Variants in AK9 observed in about 807,000 individuals in gnomAD.
The protein encoded by AK9 is adenylate kinase domain containing 1.
AK9 carries 191 observed loss-of-function variants against 239.6 expected under a neutral mutation model. The ratio of observed to expected loss-of-function variants is 0.80; its 90% CI spans 0.71 to 0.90. The LOEUF (loss-of-function observed/expected upper bound fraction) is 0.90, where lower values mean the gene tolerates loss of function less well. AK9 is among the 40% of genes least tolerant of loss of function. AK9 has a pLI of 0.00. For missense variants in AK9, 1,995 were observed against 2,214.7 expected, an observed-to-expected ratio of 0.90 and a Z score of 1.99; for synonymous variants, 689 against 721.0, an observed-to-expected ratio of 0.96 and a Z score of 0.71.
chr6:109,542,026 A>G, intron 27 of AK9, 21 bp downstream of exon 27: 1 of 1,533,474 alleles, frequency 6.5e-7, no homozygotes, highest in Non-Finnish European at 8.8e-7. Flanking sequence ...TAAATGTACA[A>G]TTCTATATAA....
At chr6:109,560,245 T>C (rs1181493529) in intron 24 of AK9, among the ~76,000 whole-genome samples, 1 of 152,248 alleles carries the variant, frequency 6.6e-6, no homozygotes, top group East Asian at 1.9e-4. Context: ...GCATCTTTCT[T>C]TTTCAATCTG....
At chr6:109,671,845 A>G (rs1038542243) in intron 5 of AK9, 74 bp downstream of exon 5, 1 of 1,359,970 alleles carries the variant, frequency 7.4e-7, no homozygotes, top group Non-Finnish European at 1.0e-6. Context: ...AACTCCAGAA[A>G]CTATTTTTGC....
In AK9 at chr6:109,497,362, ACTCT is replaced by A. The variant is rs761117338; in HGVS notation, c.5315+99_5315+102del. On this transcript the variant is annotated intron_variant, in intron 38 of 40. Transcript: ENST00000424296. ...CACACACACACACACACACACACAC[ACTCT>A]CTCTCTCTCTCTCTCTCTCACACAC... 2.9e-3 allele frequency: 1,439 copies of A among 498,676 alleles called. 9 individuals are homozygous for A. The highest frequency in any genetic ancestry group is 0.01 in the African/African-American group (382 of 37,028). 30.9% of individuals were successfully genotyped at this position (498,676 alleles called of 1,614,324 possible).
rs1026816125 is a variant in AK9, at chr6:109,495,419, T to A, written c.5337A>T (p.Glu1779Asp). ...GGGGAAGCTTGTGTGGAAGCTTCTG[T>A]TCCCAGTATTTCAGTGGCGACCTAA... The part of the protein sequence containing the change: ...KFLRSPLKYW[E>D]QKLPHKLPPL... Residue 1779 changes from glutamate to aspartate, a missense_variant, in exon 39 of 41, where the codon GAA (glutamate) becomes GAT (aspartate). Physicochemically the swap from Glu to Asp is conservative, Grantham distance 45 (BLOSUM62 2). Coordinates refer to ENST00000424296, the MANE Select transcript of AK9 (RefSeq NM_001145128.3). 1.4e-5 allele frequency: 23 copies of A among 1,612,944 alleles called. No individual in the cohort carries two copies. The African/African-American group carries it at 3.1e-4, about 22-fold the overall frequency.
At chr6:109,616,391 A>G (rs1431495624) in intron 13 of AK9, among the ~76,000 whole-genome samples, 1 of 149,916 alleles carries the variant, frequency 6.7e-6, no homozygotes, top group African/African-American at 2.5e-5. Context: ...GATAATTTTC[A>G]TTTTTTTTTC....
intron 20 of AK9, among the ~76,000 whole-genome samples, chr6:109,576,403 G>A (rs1788078128): frequency 7.7e-6 from 1 of 130,710 alleles, no homozygotes; most frequent in Non-Finnish European, 1.6e-5. Context: ...TTGGTTAGGT[G>A]TATATACATA....
At position 109,527,543 on chromosome 6, in the gene AK9, CT is replaced by C. The variant is rs1780675251; in HGVS notation, c.3633+1467del. 3 of 152,176 alleles carry C rather than the reference CT, an allele frequency of 2.0e-5. No homozygotes were observed. In the South Asian group the frequency reaches 6.2e-4, roughly 32 times the overall value. The allele number at this position is 152,176 out of a possible 1,614,324, so 9.4% of individuals were successfully genotyped here. A position where few individuals can be genotyped will look rare whatever the true frequency, so the allele number is the denominator to read the frequency against. ...AGCACACTAACTCATCCCTGAGATG[CT>C]ATATTTTGTCTACTTTATTGTCTGA... is the stretch of plus-strand genomic sequence containing the variant. On this transcript the variant is annotated intron_variant, in intron 29 of 40. Coordinates refer to ENST00000424296, the MANE Select transcript of AK9 (RefSeq NM_001145128.3).
At chr6:109,547,891 G>C (rs571209660) in intron 25 of AK9, among the ~76,000 whole-genome samples, 1 of 146,830 alleles carries the variant, frequency 6.8e-6, no homozygotes, top group African/African-American at 2.5e-5. Context: ...TTAACAATGG[G>C]GAAAAAAGAC....
chr6:109,573,754 T>C (rs145175697), intron 20 of AK9, among the ~76,000 whole-genome samples, 160 bp from the exon 21 acceptor site: 1 of 152,320 alleles, frequency 6.6e-6, no homozygotes, highest in East Asian at 1.9e-4. Flanking sequence ...CTATTTATTA[T>C]AGCTATTCAC....
At chr6:109,573,639 C>A in intron 20 of AK9, 45 bp from the exon 21 acceptor site, 3 of 1,506,450 alleles carry the variant, frequency 2.0e-6, no homozygotes, top group Non-Finnish European at 1.8e-6. Context: ...TTGAAGTCAA[C>A]AAATATTTAT....
At chr6:109,499,624 G>T (rs1295717015) in intron 35 of AK9, among the ~76,000 whole-genome samples, 1 of 151,184 alleles carries the variant, frequency 6.6e-6, no homozygotes, top group African/African-American at 2.4e-5. Flanking sequence ...TTTTGAGATG[G>T]AGTCTCGCTC....
chr6:109,532,970 G>A (rs1781481745), intron 28 of AK9, among the ~76,000 whole-genome samples: 1 of 152,080 alleles, frequency 6.6e-6, no homozygotes, highest in South Asian at 2.1e-4. Context: ...ATCTCTGTTT[G>A]TTACCTCTTC....
Position 109,576,420 on chromosome 6 carries a change from C to CTTTTTTTTTTT in AK9, c.2192-2837_2192-2827dup, listed in dbSNP as rs3060763. 7.6e-4 allele frequency among the ~76,000 whole-genome samples: 79 copies of CTTTTTTTTTTT among 103,476 alleles called. 7 individuals carry two copies. Among genetic ancestry groups the CTTTTTTTTTTT allele is most frequent in the South Asian group, 1.6e-3 (4 of 2,452 alleles). The allele number at this position is 103,476 out of a possible 152,430, so 67.9% of individuals were successfully genotyped here. The stretch of plus-strand genomic sequence containing the variant: ...GGTTAGGTGTATATACATATATATA[C>CTTTTTTTTTTT]TTTTTTTTTTTTTTTTTGCAGCTGT... On this transcript the variant is annotated intron_variant, in intron 20 of 40. Transcript: ENST00000424296.
Position 109,542,253 on chromosome 6 carries a change from A to C in AK9, c.3226-82T>G, listed in dbSNP as rs763874009. 345 of 1,318,796 alleles carry C rather than the reference A, an allele frequency of 2.6e-4. 1 individual carries two copies. Among genetic ancestry groups the C allele is most frequent in the Middle Eastern group, 5.2e-4 (2 of 3,832 alleles). The allele number at this position is 1,318,796 out of a possible 1,614,324, so 81.7% of individuals were successfully genotyped here. On this transcript the variant is annotated intron_variant, in intron 26 of 40. Coordinates refer to ENST00000424296, the MANE Select transcript of AK9 (RefSeq NM_001145128.3). ...ATGTTCTCACTCATATGTGAAAGTT[A>C]AAGAGGAGGACCTCATGGAGGTGGA... is the stretch of plus-strand genomic sequence containing the variant.
chr6:109,601,968 T>A (rs1451739601), intron 17 of AK9, among the ~76,000 whole-genome samples: 1 of 152,250 alleles, frequency 6.6e-6, no homozygotes. Context: ...CTTATGTGTG[T>A]GTCTGCACGT....
intron 3 of AK9, among the ~76,000 whole-genome samples, chr6:109,672,664 T>A (rs1771103408): frequency 6.6e-6 from 1 of 151,974 alleles, no homozygotes; most frequent in African/African-American, 2.4e-5. Context: ...CCAGCCTGGA[T>A]GACAAAGTGA....
chr6:109,504,731 C>T (rs1006243711), intron 35 of AK9, among the ~76,000 whole-genome samples: 1 of 152,124 alleles, frequency 6.6e-6, no homozygotes, highest in African/African-American at 2.4e-5. Flanking sequence ...ATTGCTTGAA[C>T]CCGGGAAGGG....
intron 24 of AK9, among the ~76,000 whole-genome samples, chr6:109,552,713 T>A (rs375221838): frequency 9.2e-5 from 14 of 152,364 alleles, no homozygotes; most frequent in African/African-American, 3.4e-4. Context: ...TTTAATTAGA[T>A]CCCATTTGTC....
intron 1 of AK9, among the ~76,000 whole-genome samples, chr6:109,687,189 G>A (rs1037626592): frequency 5.3e-5 from 8 of 152,294 alleles, no homozygotes; most frequent in African/African-American, 1.4e-4. Context: ...AGTATTCCTA[G>A]GCCCTCAATT....
Sources: allele counts gnomAD v4.1 joint callset (sites outside exome capture counted in the v4.1 genomes callset), GRCh38; gene constraint gnomAD v4.1.1; transcripts MANE v1.5; gene names NCBI Gene and HGNC (gene_info 2026-07-23, HGNC 2026-07-21).